Variants in RIT2 observed in about 807,000 individuals in gnomAD.
The protein encoded by RIT2 is GTP-binding protein Rit2.
In RIT2, 24 loss-of-function variants were observed where a neutral mutation model predicts 23.7. The ratio of observed to expected loss-of-function variants is 1.01; its 90% CI spans 0.73 to 1.43. The LOEUF is 1.43. Ranked by LOEUF, RIT2 falls within the 40% of genes most tolerant of loss-of-function variation. The pLI, the probability that RIT2 is intolerant of heterozygous loss-of-function variation, is 0.00. For synonymous variants in RIT2, 107 were observed against 91.1 expected (o/e 1.17, Z -0.99); for missense variants, 236 against 266.9 (o/e 0.88, Z 0.81).
chr18:43,072,662 T>C (rs1912924906), intron 1 of RIT2, among the ~76,000 whole-genome samples: 3 of 152,198 alleles, frequency 2.0e-5, no homozygotes, highest in South Asian at 2.1e-4. Flanking sequence ...TTTTCCCCCA[T>C]GCAGATTTCT....
At chr18:42,935,294 A>T (rs1909425450) in intron 3 of RIT2, among the ~76,000 whole-genome samples, 1 of 152,100 alleles carries the variant, frequency 6.6e-6, no homozygotes, top group South Asian at 2.1e-4. Flanking sequence ...TTCACTAGAG[A>T]GTGGTGTGCG....
At chr18:42,993,664 CT>C (rs1421417223) in intron 2 of RIT2, among the ~76,000 whole-genome samples, 2 of 152,110 alleles carry the variant, frequency 1.3e-5, no homozygotes, top group Non-Finnish European at 2.9e-5. Flanking sequence ...ACTAAATTAT[CT>C]GCTTCCCTGA....
chr18:42,781,508 C>A (rs140920323), intron 4 of RIT2, among the ~76,000 whole-genome samples: 1 of 152,254 alleles, frequency 6.6e-6, no homozygotes, highest in Non-Finnish European at 1.5e-5. Flanking sequence ...TCTGATCTCT[C>A]CCTGGGGGCC....
chr18:43,022,234 A>G (rs546073570), intron 2 of RIT2, among the ~76,000 whole-genome samples: 4 of 152,288 alleles, frequency 2.6e-5, no homozygotes, highest in East Asian at 3.9e-4. Flanking sequence ...GTTCTCGCTT[A>G]TAAGTGGAAG....
At chr18:42,827,066 C>A (rs1410477696) in intron 4 of RIT2, among the ~76,000 whole-genome samples, 2 of 151,944 alleles carry the variant, frequency 1.3e-5, no homozygotes, top group Admixed American at 1.3e-4. Flanking sequence ...ACAAGCAAAC[C>A]AAAAACAAGG....
intron 4 of RIT2, among the ~76,000 whole-genome samples, chr18:42,767,968 C>CT (rs1304472674): frequency 2.4e-4 from 36 of 150,908 alleles, no homozygotes; most frequent in African/African-American, 4.9e-4. Context: ...CCAATTAAAC[C>CT]TTTTTTTTTG....
intron 4 of RIT2, among the ~76,000 whole-genome samples, chr18:42,854,308 TATTA>T (rs1483170728): frequency 6.6e-5 from 10 of 152,186 alleles, no homozygotes; most frequent in African/African-American, 9.6e-5. Context: ...GGGCCTATTA[TATTA>T]TTCACATTAT....
intron 3 of RIT2, among the ~76,000 whole-genome samples, chr18:42,938,792 A>G (rs1909524610): frequency 6.6e-6 from 1 of 152,138 alleles, no homozygotes; most frequent in Non-Finnish European, 1.5e-5. Flanking sequence ...AGGGTGGAGT[A>G]GAGTGACACA....
chr18:43,108,024 AT>A (rs1913868760), intron 1 of RIT2, among the ~76,000 whole-genome samples: 1 of 132,734 alleles, frequency 7.5e-6, no homozygotes, highest in South Asian at 2.5e-4. Context: ...AAAAAAAAAA[AT>A]TAACCGGGCA....
At chr18:42,885,230 T>A (rs768383456) in intron 4 of RIT2, among the ~76,000 whole-genome samples, 3 of 152,166 alleles carry the variant, frequency 2.0e-5, no homozygotes, top group African/African-American at 4.8e-5. Flanking sequence ...GATGGTAAAT[T>A]AAAATCACTT....
intron 1 of RIT2, among the ~76,000 whole-genome samples, chr18:43,054,818 TTC>T (rs1444337836): frequency 1.3e-5 from 2 of 152,102 alleles, no homozygotes; most frequent in African/African-American, 4.8e-5. Flanking sequence ...GTCTCACAGA[TTC>T]TGTTACTCCC....
At chr18:43,080,163 C>T (rs1913122670) in intron 1 of RIT2, among the ~76,000 whole-genome samples, 1 of 152,200 alleles carries the variant, frequency 6.6e-6, no homozygotes, top group Admixed American at 6.5e-5. Flanking sequence ...TATTCAGTTC[C>T]TACCCTGTGC....
At chr18:43,044,266 T>C (rs1912196507) in intron 1 of RIT2, among the ~76,000 whole-genome samples, 1 of 152,188 alleles carries the variant, frequency 6.6e-6, no homozygotes, top group Non-Finnish European at 1.5e-5. Context: ...GGTATCCCGA[T>C]CCCACTTTAA....
At chr18:42,786,695 C>T (rs1913929607) in intron 4 of RIT2, among the ~76,000 whole-genome samples, 1 of 152,090 alleles carries the variant, frequency 6.6e-6, no homozygotes, top group South Asian at 2.1e-4. Flanking sequence ...ACTCTTTGCT[C>T]CAGTCACATA....
chr18:42,861,700 T>C (rs1037825301), intron 4 of RIT2, among the ~76,000 whole-genome samples: 16 of 152,214 alleles, frequency 1.1e-4, no homozygotes, highest in African/African-American at 3.9e-4. Context: ...CCCATTTTGT[T>C]AAGAGATTCT....
chr18:42,976,526 T>C (rs1345114171), intron 2 of RIT2, among the ~76,000 whole-genome samples: 1 of 152,084 alleles, frequency 6.6e-6, no homozygotes, highest in Non-Finnish European at 1.5e-5. Flanking sequence ...TCACCTGACC[T>C]CTCTAAAAGG....
intron 4 of RIT2, among the ~76,000 whole-genome samples, chr18:42,898,821 T>A (rs1203738855): frequency 3.3e-5 from 5 of 152,188 alleles, no homozygotes; most frequent in African/African-American, 1.2e-4. Flanking sequence ...AAAGAGTCTC[T>A]CAATTTAGAC....
intron 2 of RIT2, among the ~76,000 whole-genome samples, chr18:43,008,692 C>T (rs1911280503): frequency 6.6e-6 from 1 of 151,280 alleles, no homozygotes; most frequent in Admixed American, 6.6e-5. Flanking sequence ...TCTCTGGGCA[C>T]ATTTTATATT....
intron 2 of RIT2, among the ~76,000 whole-genome samples, chr18:42,999,045 G>A (rs904324800): frequency 6.6e-6 from 1 of 151,980 alleles, no homozygotes; most frequent in African/African-American, 2.4e-5. Flanking sequence ...TATAACTAAA[G>A]AAGAAAATAA....
Sources: gnomAD v4.1 joint callset for allele counts (sites outside exome capture counted in the v4.1 genomes callset) on GRCh38, gnomAD v4.1.1 for gene constraint, MANE v1.5 for transcripts, NCBI Gene and HGNC (gene_info 2026-07-23, HGNC 2026-07-21) for gene names.